Variants in LRP1B observed in about 807,000 individuals in gnomAD.
The protein encoded by LRP1B is low-density lipoprotein receptor-related protein 1B.
A neutral mutation model predicts 556.6 loss-of-function variants in LRP1B; 217 were observed. The ratio of observed to expected loss-of-function variants is 0.39; its 90% CI spans 0.35 to 0.44. The LOEUF (loss-of-function observed/expected upper bound fraction) is 0.44. Among genes scored for constraint, LRP1B ranks in the 20% least tolerant of loss-of-function variants. The pLI is 1.00. For synonymous variants in LRP1B, 2,047 were observed against 1,865.8 expected (o/e 1.10, Z -2.50); for missense variants, 5,053 against 5,620.8 (o/e 0.90, Z 3.23).
intron 41 of LRP1B, among the ~76,000 whole-genome samples, chr2:140,603,991 T>A (rs1273878774): frequency 6.6e-6 from 1 of 152,050 alleles, no homozygotes; most frequent in Admixed American, 6.6e-5. Context: ...TGTTTGAACA[T>A]TGAGATTCCT....
intron 1 of LRP1B, among the ~76,000 whole-genome samples, chr2:141,842,835 G>A (rs1697521943): frequency 1.3e-5 from 2 of 152,212 alleles, no homozygotes; most frequent in African/African-American, 4.8e-5. Context: ...AGAATTCAGA[G>A]TCCTGGTGCA....
Position 141,184,824 on chromosome 2 carries a change from C to T in LRP1B, c.1013+3597G>A, listed in dbSNP as rs560566302. Among the ~76,000 whole-genome samples the T allele has an allele frequency of 5.9e-5, 9 of 151,612 alleles. No individual in the cohort carries two copies. In the South Asian group the frequency reaches 1.5e-3, roughly 25 times the overall value. ...ACCCTATACTTTTCTCCTCCTACAC[C>T]TTACATACCCTTCATCTTTATTTCT... On this transcript the variant is annotated intron_variant, in intron 7 of 90. Transcript: ENST00000389484.
At position 142,112,822 on chromosome 2, in the gene LRP1B, ACT is replaced by A. The variant is rs988271616; in HGVS notation, c.82+17824_82+17825del. Among the ~76,000 whole-genome samples the A allele has an allele frequency of 1.1e-4, 17 of 152,156 alleles. No individual in the cohort carries two copies. In the East Asian group the frequency reaches 3.1e-3, roughly 28 times the overall value. ...CATTGAATATGTATGTACACACAAG[ACT>A]CTCAAAGCCTCTTGCTAGCCAATGG... On this transcript the variant is annotated intron_variant, in intron 1 of 90. Transcript: ENST00000389484.
chr2:140,318,436 G>T (rs1405212065), intron 82 of LRP1B, among the ~76,000 whole-genome samples: 1 of 152,118 alleles, frequency 6.6e-6, no homozygotes, highest in African/African-American at 2.4e-5. Flanking sequence ...TCGTGGATAA[G>T]TGTGCATGTA....
intron 41 of LRP1B, among the ~76,000 whole-genome samples, chr2:140,604,602 G>C (rs1682798890): frequency 6.6e-6 from 1 of 152,110 alleles, no homozygotes; most frequent in Non-Finnish European, 1.5e-5. Flanking sequence ...TACCAAATGG[G>C]AAAGGCAGTG....
At chr2:141,321,178 T>G (rs944375609) in intron 3 of LRP1B, among the ~76,000 whole-genome samples, 2 of 152,148 alleles carry the variant, frequency 1.3e-5, no homozygotes, top group African/African-American at 4.8e-5. Context: ...ATGACCTCAG[T>G]ACTCTTGAAG....
rs181492807 is a variant in LRP1B at position 140,871,200 on chromosome 2, C to T, written c.4170-2937G>A. Among the ~76,000 whole-genome samples, 28 of 152,226 alleles carry T rather than the reference C, an allele frequency of 1.8e-4. 1 individual carries two copies. The East Asian group carries it at 3.9e-3, about 21-fold the overall frequency. On this transcript the variant is annotated intron_variant, in intron 25 of 90. Transcript: ENST00000389484. ...TTACTTCTGCATACTTAATCTCAAA[C>T]CCCATTTTCTCATCTGAAAATAAAA...
chr2:140,586,966 AAAGGCTT>A (rs1275727284), intron 43 of LRP1B, among the ~76,000 whole-genome samples: 1 of 152,158 alleles, frequency 6.6e-6, no homozygotes, highest in East Asian at 1.9e-4. Context: ...TTTTAAAAAT[AAAGGCTT>A]TAGGAAAGAA....
intron 7 of LRP1B, among the ~76,000 whole-genome samples, chr2:141,106,874 T>G (rs866188145): frequency 6.6e-6 from 1 of 152,208 alleles, no homozygotes; most frequent in African/African-American, 2.4e-5. Flanking sequence ...TCTGACAAGT[T>G]GCTCAGTGAT....
intron 1 of LRP1B, among the ~76,000 whole-genome samples, chr2:142,019,457 C>T (rs1409171210): frequency 6.6e-6 from 1 of 152,162 alleles, no homozygotes; most frequent in Non-Finnish European, 1.5e-5. Flanking sequence ...AAACTGACCA[C>T]TTCTTATCAC....
At chr2:141,181,965 C>A (rs184779068) in intron 7 of LRP1B, among the ~76,000 whole-genome samples, 1 of 152,072 alleles carries the variant, frequency 6.6e-6, no homozygotes, top group East Asian at 1.9e-4. Context: ...AAAATTAGTG[C>A]AGACCAGGAA....
At chr2:141,897,595 A>T (rs1699492378) in intron 1 of LRP1B, among the ~76,000 whole-genome samples, 1 of 152,024 alleles carries the variant, frequency 6.6e-6, no homozygotes, top group South Asian at 2.1e-4. Context: ...ATGTACAAAG[A>T]TATGATTTTT....
intron 82 of LRP1B, 126 bp from the exon 83 acceptor site, chr2:140,315,225 C>A (rs967463606): frequency 5.0e-6 from 3 of 599,036 alleles, no homozygotes; most frequent in Non-Finnish European, 8.1e-6. Flanking sequence ...ACCCCAAGTA[C>A]AAAAGAAGAA....
chr2:140,675,582 G>A (rs377021055), intron 41 of LRP1B, among the ~76,000 whole-genome samples: 1 of 151,924 alleles, frequency 6.6e-6, no homozygotes. Context: ...TTTAGTCTGG[G>A]CAACACAGTG....
In LRP1B at chr2:140,457,544, C is replaced by T. The variant is rs2105323956; in HGVS notation, c.9733G>A (p.Gly3245Arg). Residue 3245 changes from glycine (G) to arginine (R), a missense_variant, in exon 61 of 91, where the codon GGA becomes AGA. Transcript: ENST00000389484. ...TAAATCAGTGAGAGTCTGTCTGCTC[C>T]CGATGTTTTATGGGCACGGCTGAGT... ...KSLSRAHKTS[G>R]ADRLSLIYSW... 4 of 1,613,692 alleles carry T rather than the reference C, an allele frequency of 2.5e-6. No homozygotes were observed. Among genetic ancestry groups the T allele is most frequent in the African/African-American group, 1.3e-5 (1 of 74,964 alleles).
chr2:140,254,553 G>GTTTGT (rs1187620101), intron 86 of LRP1B, among the ~76,000 whole-genome samples: 5 of 151,782 alleles, frequency 3.3e-5, no homozygotes, highest in Admixed American at 1.3e-4. Flanking sequence ...TGTTTTGTTT[G>GTTTGT]TTTGTTTTGT....
chr2:141,119,346 G>C (rs1169295212), intron 7 of LRP1B, among the ~76,000 whole-genome samples: 1 of 151,794 alleles, frequency 6.6e-6, no homozygotes, highest in Non-Finnish European at 1.5e-5. Flanking sequence ...TCCCTCTACA[G>C]ACTCTCCAAA....
At chr2:140,560,425 A>G (rs1192327452) in intron 43 of LRP1B, among the ~76,000 whole-genome samples, 1 of 152,190 alleles carries the variant, frequency 6.6e-6, no homozygotes, top group East Asian at 1.9e-4. Context: ...TAAAATGTTA[A>G]CATTTGGGGA....
intron 2 of LRP1B, among the ~76,000 whole-genome samples, chr2:141,735,506 T>TA (rs891411320): frequency 7.3e-6 from 1 of 136,548 alleles, no homozygotes; most frequent in Admixed American, 7.7e-5. Context: ...CAAACATGTT[T>TA]TTTTTTTGGG....
Sources: gnomAD v4.1 joint callset for allele counts (sites outside exome capture counted in the v4.1 genomes callset) on GRCh38, gnomAD v4.1.1 for gene constraint, MANE v1.5 for transcripts, NCBI Gene and HGNC (gene_info 2026-07-23, HGNC 2026-07-21) for gene names.